PDE10A: variants seen among roughly 807,000 people sequenced by gnomAD.
PDE10A encodes phosphodiesterase 10A, also known as cAMP and cAMP-inhibited cGMP 3',5'-cyclic phosphodiesterase 10A.
PDE10A carries 39 observed loss-of-function variants against 97.7 expected under a neutral mutation model. The ratio of observed to expected loss-of-function variants is 0.40; its 90% CI spans 0.31 to 0.52. The LOEUF is 0.52. Ranked by LOEUF, PDE10A falls within the 20% of genes least tolerant of loss-of-function variation. PDE10A has a pLI of 0.56. For missense variants in PDE10A, 731 were observed against 1,047.8 expected (o/e 0.70, Z 4.17); for synonymous variants, 371 against 376.8 (o/e 0.98, Z 0.18).
intron 2 of PDE10A, among the ~76,000 whole-genome samples, chr6:165,517,415 C>A (rs1424294912): frequency 6.6e-6 from 1 of 152,032 alleles, no homozygotes; most frequent in Non-Finnish European, 1.5e-5. Flanking sequence ...GCAATTAGGA[C>A]CCAGTATTTC....
rs769849703 is a variant in PDE10A at position 165,396,473 on chromosome 6, C to G, written c.2077-14G>C. On this transcript the variant is annotated splice_polypyrimidine_tract_variant and intron_variant, in intron 13 of 21. Coordinates refer to ENST00000539869, the MANE Select transcript of PDE10A (RefSeq NM_001385079.1). ...TCTATGATACATCTAGAAGGCAAAT[C>G]CAAAAAAAAAACCCCCAAAATTAAA... is the stretch of plus-strand genomic sequence containing the variant. The G allele has an allele frequency of 5.7e-5, 89 of 1,573,220 alleles. No individual in the cohort carries two copies. The African/African-American group carries it at 1.1e-3, about 19-fold the overall frequency.
At chr6:165,514,807 A>G (rs1781700741) in intron 2 of PDE10A, among the ~76,000 whole-genome samples, 1 of 152,208 alleles carries the variant, frequency 6.6e-6, no homozygotes, top group African/African-American at 2.4e-5. Context: ...TGATGCCCAC[A>G]GTTTTTACTG....
At chr6:165,776,677 C>G (rs1778194730) in intron 1 of PDE10A, among the ~76,000 whole-genome samples, 1 of 152,234 alleles carries the variant, frequency 6.6e-6, no homozygotes, top group Middle Eastern at 3.2e-3. Flanking sequence ...TCCTTCTCTT[C>G]GTTCCTCTTT....
intron 1 of PDE10A, among the ~76,000 whole-genome samples, chr6:165,922,076 A>T (rs1782769255): frequency 6.6e-6 from 1 of 152,208 alleles, no homozygotes; most frequent in Admixed American, 6.5e-5. Flanking sequence ...TAGGGCCAGT[A>T]GGATTTTCTG....
chr6:165,828,721 G>T (rs1779827605), intron 1 of PDE10A, among the ~76,000 whole-genome samples: 1 of 152,124 alleles, frequency 6.6e-6, no homozygotes, highest in Non-Finnish European at 1.5e-5. Flanking sequence ...AAAATGAGCA[G>T]CCGTCACCAG....
At chr6:165,945,201 G>A (rs1783727924) in intron 1 of PDE10A, among the ~76,000 whole-genome samples, 1 of 152,114 alleles carries the variant, frequency 6.6e-6, no homozygotes, top group Non-Finnish European at 1.5e-5. Flanking sequence ...CATTGAATGG[G>A]CCTCCTGACA....
At chr6:165,336,291 C>T (rs1447507508) in intron 20 of PDE10A, 80 bp from the exon 21 acceptor site, 3 of 976,296 alleles carry the variant, frequency 3.1e-6, no homozygotes, top group Admixed American at 2.0e-5. Context: ...TCTTAAGTGA[C>T]TGTTCTGTTT....
intron 1 of PDE10A, among the ~76,000 whole-genome samples, chr6:165,899,409 T>C (rs1782042717): frequency 6.6e-6 from 1 of 152,188 alleles, no homozygotes; most frequent in Non-Finnish European, 1.5e-5. Flanking sequence ...TTTCACATAT[T>C]CCATGAATAT....
intron 1 of PDE10A, among the ~76,000 whole-genome samples, chr6:165,979,006 T>C (rs552089199): frequency 2.0e-5 from 3 of 152,360 alleles, no homozygotes; most frequent in Non-Finnish European, 4.4e-5. Flanking sequence ...GGGTATTCCA[T>C]GAGAGTGAGA....
chr6:165,672,003 G>T (rs1790660450), intron 1 of PDE10A, among the ~76,000 whole-genome samples: 1 of 152,126 alleles, frequency 6.6e-6, no homozygotes. Context: ...AAATACTGGT[G>T]AAGTCTTATC....
chr6:165,983,921 A>G (rs998843967), intron 1 of PDE10A, among the ~76,000 whole-genome samples: 1 of 152,250 alleles, frequency 6.6e-6, no homozygotes, highest in Non-Finnish European at 1.5e-5. Context: ...GAAAGCGTGC[A>G]CAGCCGTGTA....
chr6:165,764,191 C>G (rs1793319903), intron 1 of PDE10A, among the ~76,000 whole-genome samples: 1 of 152,224 alleles, frequency 6.6e-6, no homozygotes, highest in Admixed American at 6.5e-5. Context: ...TGAGTCCACG[C>G]TCTGACACTT....
chr6:165,617,292 C>A (rs915936665), intron 1 of PDE10A, among the ~76,000 whole-genome samples: 2 of 152,132 alleles, frequency 1.3e-5, no homozygotes, highest in South Asian at 2.1e-4. Context: ...AAAGAGGGAC[C>A]GCTTTACGCA....
At chr6:165,492,820 G>A (rs919772766) in intron 2 of PDE10A, among the ~76,000 whole-genome samples, 14 of 152,216 alleles carry the variant, frequency 9.2e-5, no homozygotes, top group Admixed American at 2.6e-4. Context: ...ATTCAACATA[G>A]TACTGGAAGT....
intron 1 of PDE10A, among the ~76,000 whole-genome samples, chr6:165,860,081 G>C (rs1780856119): frequency 6.6e-6 from 1 of 152,158 alleles, no homozygotes; most frequent in South Asian, 2.1e-4. Context: ...GCTACAAATT[G>C]GGTCCAGTGT....
chr6:165,393,112 C>T (rs1251013542), intron 15 of PDE10A, among the ~76,000 whole-genome samples: 5 of 152,264 alleles, frequency 3.3e-5, no homozygotes, highest in South Asian at 2.1e-4. Context: ...TTTAGTTTTA[C>T]GTTCATTTCC....
At chr6:165,935,955 A>C (rs576896423) in intron 1 of PDE10A, among the ~76,000 whole-genome samples, 1 of 152,374 alleles carries the variant, frequency 6.6e-6, no homozygotes, top group East Asian at 1.9e-4. Context: ...TAAATCACCA[A>C]GTCTATGATA....
At chr6:165,421,307 G>A (rs1220396561) in intron 10 of PDE10A, among the ~76,000 whole-genome samples, 3 of 152,022 alleles carry the variant, frequency 2.0e-5, no homozygotes, top group African/African-American at 7.2e-5. Context: ...GTCAGGCATG[G>A]CAGCATGCAT....
intron 1 of PDE10A, among the ~76,000 whole-genome samples, chr6:165,637,273 A>C (rs2128417970): frequency 6.6e-6 from 1 of 152,280 alleles, no homozygotes; most frequent in South Asian, 2.1e-4. Flanking sequence ...AGGCTGAAGC[A>C]ATAAAAAACA....
Sources: gnomAD v4.1 joint callset for allele counts (sites outside exome capture counted in the v4.1 genomes callset) on GRCh38, gnomAD v4.1.1 for gene constraint, MANE v1.5 for transcripts, NCBI Gene and HGNC (gene_info 2026-07-23, HGNC 2026-07-21) for gene names.